Variants in LRP1B observed in about 807,000 individuals in gnomAD.
The protein encoded by LRP1B is LDL receptor related protein 1B.
Under a neutral mutation model 556.6 loss-of-function variants are expected in LRP1B, and 217 were observed. That is an observed-to-expected ratio of 0.39 (90% confidence interval 0.35 to 0.44). LRP1B has a LOEUF of 0.44. Among genes scored for constraint, LRP1B ranks in the 20% least tolerant of loss-of-function variants. The probability of loss-of-function intolerance (pLI) is 1.00; values close to 1 mark genes in which losing one functional copy is unlikely to be tolerated. For synonymous variants in LRP1B, 2,047 were observed against 1,865.8 expected (o/e 1.10, Z -2.50); for missense variants, 5,053 against 5,620.8 (o/e 0.90, Z 3.23).
chr2:140,963,901 C>T (rs12614087), intron 18 of LRP1B, among the ~76,000 whole-genome samples: 27,681 of 152,064 alleles, frequency 0.18, 2,651 homozygotes, highest in East Asian at 0.25. Flanking sequence ...TGTGCGGCGA[C>T]GAGAGAGTGT....
intron 41 of LRP1B, among the ~76,000 whole-genome samples, chr2:140,639,411 G>A (rs1684193355): frequency 6.6e-6 from 1 of 152,094 alleles, no homozygotes; most frequent in African/African-American, 2.4e-5. Context: ...AGATTCTAAG[G>A]CATCTTGCTC....
intron 31 of LRP1B, among the ~76,000 whole-genome samples, chr2:140,828,453 C>T (rs1197884362): frequency 6.8e-6 from 1 of 146,808 alleles, no homozygotes; most frequent in East Asian, 2.0e-4. Flanking sequence ...ACTAAAAATA[C>T]AAAAAATTAG....
intron 43 of LRP1B, among the ~76,000 whole-genome samples, chr2:140,542,188 CATA>C (rs1461893672): frequency 2.6e-5 from 4 of 151,942 alleles, no homozygotes; most frequent in African/African-American, 7.2e-5. Context: ...AGTGTGTTTA[CATA>C]ATATTTCAAG....
chr2:140,987,125 G>T (rs1370495245), intron 17 of LRP1B, among the ~76,000 whole-genome samples: 1 of 152,084 alleles, frequency 6.6e-6, no homozygotes. Flanking sequence ...GAGGTACTTT[G>T]TAACTTGACT....
chr2:141,565,929 G>T (rs1344843536), intron 2 of LRP1B, among the ~76,000 whole-genome samples: 1 of 151,422 alleles, frequency 6.6e-6, no homozygotes, highest in African/African-American at 2.4e-5. Flanking sequence ...CAGGCACTCT[G>T]CCTGGCACTT....
At chr2:141,722,729 C>CCTAG (rs1553454419) in intron 2 of LRP1B, among the ~76,000 whole-genome samples, 1 of 145,978 alleles carries the variant, frequency 6.9e-6, no homozygotes, top group East Asian at 2.1e-4. Flanking sequence ...CAGATAGATA[C>CCTAG]ATAGATAGAT....
chr2:141,079,300 T>G (rs1432753593), intron 7 of LRP1B, among the ~76,000 whole-genome samples: 1 of 152,144 alleles, frequency 6.6e-6, no homozygotes, highest in Non-Finnish European at 1.5e-5. Context: ...TAAACACAAA[T>G]GACAGCAATA....
intron 3 of LRP1B, among the ~76,000 whole-genome samples, chr2:141,474,810 G>T (rs1682638121): frequency 6.6e-6 from 1 of 152,088 alleles, no homozygotes; most frequent in African/African-American, 2.4e-5. Context: ...GTATGTATTT[G>T]TATGTTTTGG....
At chr2:141,486,838 A>G (rs72989075) in intron 2 of LRP1B, among the ~76,000 whole-genome samples, 4,802 of 152,076 alleles carry the variant, frequency 0.032, 275 homozygotes, top group African/African-American at 0.11. Context: ...TCTTCAAAAC[A>G]TAGACTGCAC....
intron 5 of LRP1B, among the ~76,000 whole-genome samples, chr2:141,245,011 T>C (rs1169120160): frequency 2.6e-5 from 4 of 152,186 alleles, no homozygotes; most frequent in African/African-American, 9.6e-5. Flanking sequence ...TTGCATTCTA[T>C]TATTGTAAGA....
chr2:140,637,068 A>G (rs748897097), intron 41 of LRP1B, among the ~76,000 whole-genome samples: 3 of 152,192 alleles, frequency 2.0e-5, no homozygotes, highest in Non-Finnish European at 2.9e-5. Flanking sequence ...GCTGCATTGT[A>G]TTTTTAATAA....
At chr2:140,425,711 C>T (rs1013101698) in intron 66 of LRP1B, among the ~76,000 whole-genome samples, 12 of 152,162 alleles carry the variant, frequency 7.9e-5, no homozygotes, top group African/African-American at 2.7e-4. Context: ...CGTCCCTGTT[C>T]ACCCATTTTC....
chr2:141,870,252 C>T (rs1018739114), intron 1 of LRP1B, among the ~76,000 whole-genome samples: 1 of 151,810 alleles, frequency 6.6e-6, no homozygotes, highest in Non-Finnish European at 1.5e-5. Context: ...TTTATTCTTC[C>T]TCTCTACTAT....
intron 1 of LRP1B, among the ~76,000 whole-genome samples, chr2:142,055,631 T>C (rs1704640879): frequency 6.6e-6 from 1 of 152,140 alleles, no homozygotes; most frequent in South Asian, 2.1e-4. Flanking sequence ...TTTGTACCAT[T>C]ACCTCATAAC....
At chr2:140,846,102 T>A (rs963679297) in intron 29 of LRP1B, among the ~76,000 whole-genome samples, 5 of 151,956 alleles carry the variant, frequency 3.3e-5, no homozygotes, top group Non-Finnish European at 5.9e-5. Flanking sequence ...CAAAGAGACA[T>A]CACCAAAAGA....
intron 7 of LRP1B, among the ~76,000 whole-genome samples, chr2:141,094,111 G>GA (rs1700237547): frequency 6.6e-6 from 1 of 152,030 alleles, no homozygotes; most frequent in Non-Finnish European, 1.5e-5. Context: ...ATCCTCAAAG[G>GA]AAAAAGTAAT....
At chr2:141,991,839 G>C (rs150392314) in intron 1 of LRP1B, among the ~76,000 whole-genome samples, 1 of 151,948 alleles carries the variant, frequency 6.6e-6, no homozygotes, top group Admixed American at 6.6e-5. Context: ...TTTTTACACT[G>C]CTCATCCCAA....
chr2:141,782,484 G>T (rs1695285891), intron 2 of LRP1B, among the ~76,000 whole-genome samples: 2 of 129,566 alleles, frequency 1.5e-5, no homozygotes, highest in African/African-American at 3.0e-5. Context: ...GTTTTGGTTT[G>T]TAACACATTT....
intron 43 of LRP1B, among the ~76,000 whole-genome samples, chr2:140,542,660 CAG>C (rs1385196153): frequency 6.6e-6 from 1 of 151,954 alleles, no homozygotes. Flanking sequence ...CACCGTTTAC[CAG>C]AGAGAGATTA....
Sources: gnomAD v4.1 joint callset for allele counts (sites outside exome capture counted in the v4.1 genomes callset) on GRCh38, gnomAD v4.1.1 for gene constraint, MANE v1.5 for transcripts, NCBI Gene and HGNC (gene_info 2026-07-23, HGNC 2026-07-21) for gene names.